Variants in GAD2 observed in about 807,000 individuals in gnomAD.
GAD2 encodes the protein 65 kDa glutamic acid decarboxylase.
A neutral mutation model predicts 80.1 loss-of-function variants in GAD2; 22 were observed. The observed-to-expected ratio is 0.27, with a 90% CI of 0.20 to 0.39. The LOEUF (loss-of-function observed/expected upper bound fraction) is 0.39. GAD2 is among the 10% of genes least tolerant of loss of function. The probability of loss-of-function intolerance (pLI) is 1.00; values close to 1 mark genes in which losing one functional copy is unlikely to be tolerated. For missense variants in GAD2, 624 were observed against 738.4 expected, an observed-to-expected ratio of 0.85 and a Z score of 1.80; for synonymous variants, 274 against 256.9, an observed-to-expected ratio of 1.07 and a Z score of -0.64.
chr10:26,262,273 T>G (rs1300145764), intron 8 of GAD2, among the ~76,000 whole-genome samples: 3 of 151,402 alleles, frequency 2.0e-5, no homozygotes, highest in Admixed American at 6.6e-5. Flanking sequence ...TTATTAGTTT[T>G]TTTTTTTTTC....
At position 26,293,103 on chromosome 10, in the gene GAD2, C is replaced by T. The variant is rs561474312; in HGVS notation, c.1584+112C>T. 587 of 781,814 alleles carry T rather than the reference C, an allele frequency of 7.5e-4. 6 individuals carry two copies. The South Asian group carries it at 8.9e-3, about 12-fold the overall frequency. 48.4% of individuals were successfully genotyped at this position (781,814 alleles called of 1,614,324 possible). On this transcript the variant is annotated intron_variant, in intron 15 of 15. Transcript: ENST00000376261. ...GAGACAGCCTACCTGGGTACATGGGCCCATTCCCGTCTGTGGACTCCTACA... is the reference window on the plus strand; with the variant it reads ...GAGACAGCCTACCTGGGTACATGGGTCCATTCCCGTCTGTGGACTCCTACA...
intron 7 of GAD2, among the ~76,000 whole-genome samples, chr10:26,242,937 G>T (rs1844761183): frequency 6.6e-6 from 1 of 152,112 alleles, no homozygotes; most frequent in African/African-American, 2.4e-5. Flanking sequence ...CATGTACTTA[G>T]TTGGGGCAGC....
At chr10:26,262,810 A>G (rs529674483) in intron 8 of GAD2, among the ~76,000 whole-genome samples, 1 of 150,598 alleles carries the variant, frequency 6.6e-6, no homozygotes, top group Non-Finnish European at 1.5e-5. Context: ...GTAGCCAAGC[A>G]TGTTTTCTTA....
intron 11 of GAD2, among the ~76,000 whole-genome samples, chr10:26,280,585 T>C (rs1845260216): frequency 6.6e-6 from 1 of 152,116 alleles, no homozygotes; most frequent in South Asian, 2.1e-4. Flanking sequence ...CTGAATAGGA[T>C]GGGAGGCAGG....
rs1556234 is a variant in GAD2, at chr10:26,270,642, G to C, written c.978G>C (p.Gly326=). Residue 326 remains glycine (G), a splice_region_variant and synonymous_variant, in exon 10 of 16, where the codon GGG becomes GGC. Coordinates refer to ENST00000376261, the MANE Select transcript of GAD2 (RefSeq NM_001134366.2). ...ERRILEAKQK[G]FVPFLVSATA... ...TTGGGGCTTTCTCGTTCGCACAGGG[G>C]TTTGTTCCTTTCCTCGTGAGTGCCA... 141,413 of 1,609,204 alleles carry C rather than the reference G, an allele frequency of 0.088. 6,908 individuals are homozygous for C. The highest frequency in any genetic ancestry group is 0.1 in the Non-Finnish European group (118,312 of 1,175,438).
At chr10:26,277,703 G>T (rs1845226554) in intron 11 of GAD2, among the ~76,000 whole-genome samples, 1 of 152,160 alleles carries the variant, frequency 6.6e-6, no homozygotes, top group Non-Finnish European at 1.5e-5. Context: ...GTAAGGGGCG[G>T]TATAGAGACG....
intron 5 of GAD2, 37 bp from the exon 6 acceptor site, chr10:26,224,502 G>A: frequency 8.5e-7 from 1 of 1,178,954 alleles, no homozygotes; most frequent in South Asian, 1.2e-5. Flanking sequence ...ATTTATCTGA[G>A]TTACAGAGGT....
chr10:26,267,494 A>G (rs1443949226), intron 8 of GAD2, among the ~76,000 whole-genome samples: 1 of 152,200 alleles, frequency 6.6e-6, no homozygotes, highest in African/African-American at 2.4e-5. Context: ...TTCCTCAACC[A>G]CATCACCCTC....
At chr10:26,221,438 T>C (rs117587993) in intron 4 of GAD2, among the ~76,000 whole-genome samples, 4 of 152,364 alleles carry the variant, frequency 2.6e-5, no homozygotes, top group Admixed American at 1.3e-4. Flanking sequence ...AATTCCAGAA[T>C]AATTTGCATT....
At position 26,271,020 on chromosome 10, in the gene GAD2, A is replaced by G. The variant is rs4749104; in HGVS notation, c.1092+264A>G. 7.6e-3 allele frequency among the ~76,000 whole-genome samples: 1,163 copies of G among 152,282 alleles called. 36 individuals are homozygous for G. Among genetic ancestry groups the G allele is most frequent in the Admixed American group, 0.059 (906 of 15,286 alleles). On this transcript the variant is annotated intron_variant, in intron 10 of 15. Coordinates refer to ENST00000376261, the MANE Select transcript of GAD2 (RefSeq NM_001134366.2). ...ATTTCTATGATCAGTACCCAAGCTG[A>G]CCACTTTGTTCTCAATTCATCGAGC...
In GAD2 at chr10:26,300,976, A is replaced by C. The variant is rs1196624657; in HGVS notation, c.*15A>C. ...AAGATTTATAATAACCTTGCTCACC[A>C]AGCTGTTCCACTTCTCTAGGTAGAC... On this transcript the variant is annotated 3_prime_UTR_variant, in exon 16 of 16. Coordinates refer to ENST00000376261, the MANE Select transcript of GAD2 (RefSeq NM_001134366.2). The C allele has an allele frequency of 6.2e-7, 1 of 1,606,068 alleles. No individual in the cohort carries two copies. Among genetic ancestry groups the C allele is most frequent in the Non-Finnish European group, 8.5e-7 (1 of 1,173,188 alleles).
chr10:26,274,926 T>C (rs1054074545), intron 11 of GAD2, among the ~76,000 whole-genome samples: 1 of 152,196 alleles, frequency 6.6e-6, no homozygotes, highest in Admixed American at 6.5e-5. Flanking sequence ...CACAGCGGTG[T>C]TAAGGCACCT....
At chr10:26,299,565 T>C (rs553643643) in intron 15 of GAD2, among the ~76,000 whole-genome samples, 5 of 152,338 alleles carry the variant, frequency 3.3e-5, no homozygotes, top group South Asian at 2.1e-4. Flanking sequence ...CTACTCTTTA[T>C]AGCAATAAGA....
Position 26,300,823 on chromosome 10 carries a change from T to C in GAD2, c.1620T>C (p.Tyr540=), listed in dbSNP as rs547742382. ...APVIKARMME[Y]GTTMVSYQPL... is the part of the protein sequence containing the mutation. The stretch of plus-strand genomic sequence containing the variant: ...TGATTAAAGCCAGAATGATGGAGTA[T>C]GGAACCACAATGGTCAGCTACCAAC... The change falls in exon 16 of 16, where the codon TAT becomes TAC. Residue 540 remains tyrosine, a synonymous_variant. Coordinates refer to ENST00000376261, the MANE Select transcript of GAD2 (RefSeq NM_001134366.2). 6.2e-6 allele frequency: 10 copies of C among 1,613,896 alleles called. 1 individual carries two copies. The African/African-American group carries it at 9.3e-5, about 15-fold the overall frequency.
At position 26,281,012 on chromosome 10, in the gene GAD2, C is replaced by T. The variant is rs2132312093; in HGVS notation, c.1161C>T (p.Ala387=). 2 of 1,613,446 alleles carry T rather than the reference C, an allele frequency of 1.2e-6. No homozygotes were observed. The highest frequency in any genetic ancestry group is 2.2e-5 in the East Asian group (1 of 44,846). ...TTATGTGATTTCTTTATTTTAGGGCCAACTCTGTGACGTGGAATCCACACA... is the reference window on the plus strand; with the variant it reads ...TTATGTGATTTCTTTATTTTAGGGCTAACTCTGTGACGTGGAATCCACACA... ...HKWKLSGVER[A]NSVTWNPHKM... Residue 387 remains alanine, a synonymous_variant, in exon 12 of 16, where the codon GCC becomes GCT. Transcript: ENST00000376261.
Position 26,226,390 on chromosome 10 carries a change from T to C in GAD2, c.724+1739T>C, listed in dbSNP as rs969505285. Among the ~76,000 whole-genome samples the C allele has an allele frequency of 3.3e-5, 5 of 152,242 alleles. No individual in the cohort carries two copies. In the East Asian group the frequency reaches 9.6e-4, roughly 29 times the overall value. ...TTGAGCATGGGAATTATAGGCTTCC[T>C]TGGAGCCTAAAGACCCATTTGCTCT... On this transcript the variant is annotated intron_variant, in intron 6 of 15. Transcript: ENST00000376261.
intron 8 of GAD2, among the ~76,000 whole-genome samples, chr10:26,248,196 T>C (rs1844833354): frequency 6.6e-6 from 1 of 152,158 alleles, no homozygotes; most frequent in Non-Finnish European, 1.5e-5. Context: ...CAATACATGG[T>C]GGTTACACAT....
chr10:26,297,635 A>C (rs1343167203), intron 15 of GAD2, among the ~76,000 whole-genome samples: 1 of 152,254 alleles, frequency 6.6e-6, no homozygotes, highest in Non-Finnish European at 1.5e-5. Context: ...GCCTAGAAAT[A>C]AGTGAAATCT....
At chr10:26,278,714 C>G in intron 11 of GAD2, among the ~76,000 whole-genome samples, 1 of 151,912 alleles carries the variant, frequency 6.6e-6, no homozygotes, top group Non-Finnish European at 1.5e-5. Context: ...GTTATCTGAC[C>G]ATGAACTGCC....
Sources: gnomAD v4.1 joint callset for allele counts (sites outside exome capture counted in the v4.1 genomes callset) on GRCh38, gnomAD v4.1.1 for gene constraint, MANE v1.5 for transcripts, NCBI Gene and HGNC (gene_info 2026-07-23, HGNC 2026-07-21) for gene names.